Variants in UTP20 observed in about 807,000 individuals in gnomAD.
UTP20 encodes UTP20 small subunit processome component.
UTP20 carries 164 observed loss-of-function variants against 329.5 expected under a neutral mutation model. The observed-to-expected ratio is 0.50, with a 90% CI of 0.44 to 0.57. The LOEUF is 0.57. Ranked by LOEUF, UTP20 falls within the 20% of genes least tolerant of loss-of-function variation. The pLI is 0.00. For missense variants in UTP20, 3,055 were observed against 3,284.2 expected, an observed-to-expected ratio of 0.93 and a Z score of 1.71; for synonymous variants, 1,151 against 1,159.3, an observed-to-expected ratio of 0.99 and a Z score of 0.14.
intron 14 of UTP20, among the ~76,000 whole-genome samples, chr12:101,300,859 A>C (rs569737255): frequency 2.6e-5 from 4 of 152,296 alleles, no homozygotes; most frequent in Admixed American, 6.5e-5. Context: ...TGGCTACTGT[A>C]CTGGATTGTG....
At chr12:101,284,824 C>T (rs1197158190) in intron 2 of UTP20, among the ~76,000 whole-genome samples, 2 of 152,136 alleles carry the variant, frequency 1.3e-5, no homozygotes, top group Non-Finnish European at 2.9e-5. Context: ...TGTATTCTTC[C>T]ATACTGTCCT....
At chr12:101,324,760 T>C (rs1300294995) in intron 25 of UTP20, among the ~76,000 whole-genome samples, 1 of 152,240 alleles carries the variant, frequency 6.6e-6, no homozygotes, top group Non-Finnish European at 1.5e-5. Flanking sequence ...AACATTTACT[T>C]TGATTTTCCC....
At chr12:101,286,908 G>T (rs1390460934) in intron 5 of UTP20, among the ~76,000 whole-genome samples, 1 of 152,092 alleles carries the variant, frequency 6.6e-6, no homozygotes, top group Non-Finnish European at 1.5e-5. Context: ...TTTAAGACAG[G>T]TTAAGAGCCC....
intron 14 of UTP20, 80 bp downstream of exon 14, chr12:101,300,141 G>T: frequency 7.5e-7 from 1 of 1,331,054 alleles, no homozygotes. Context: ...AGCTATTAGA[G>T]AATAATACTT....
In UTP20 at chr12:101,366,580, G is replaced by A; in HGVS notation, c.6148G>A (p.Asp2050Asn). 6.2e-7 allele frequency: 1 copy of A among 1,613,968 alleles called. No individual in the cohort carries two copies. The highest frequency in any genetic ancestry group is 8.5e-7 in the Non-Finnish European group (1 of 1,179,978). ...CAGAAATCCAGTAGCCCCAGCACCA[G>A]ATCCACGTCTACCACCCCAGAGCTG... The part of the protein sequence containing the change: ...KEKNPVAPAP[D>N]PRLPPQSCLL... Residue 2050 changes from aspartate (D) to asparagine (N), a missense_variant, in exon 47 of 62, where the codon GAT becomes AAT. Physicochemically the swap from Asp to Asn is conservative, Grantham distance 23. Transcript: ENST00000261637.
rs183792886 is a variant in UTP20, at chr12:101,346,444, C to G, written c.4747-7C>G. ...GGTAACTAATTCATATTTTATCTTA[C>G]CCATAGATCCACAGAAGAGCAAGAG... On this transcript the variant is annotated splice_region_variant and splice_polypyrimidine_tract_variant and intron_variant, in intron 37 of 61. Coordinates refer to ENST00000261637, the MANE Select transcript of UTP20 (RefSeq NM_014503.3). 1.3e-6 allele frequency: 2 copies of G among 1,584,070 alleles called. No homozygotes were observed. Among genetic ancestry groups the G allele is most frequent in the South Asian group, 2.4e-5 (2 of 84,958 alleles).
chr12:101,383,119 A>G lies in UTP20; in HGVS notation c.7735A>G (p.Lys2579Glu). 1 of 1,614,018 alleles carries G rather than the reference A, an allele frequency of 6.2e-7. No homozygotes were observed. Residue 2579 changes from lysine (K) to glutamate (E), a missense_variant, in exon 59 of 62, where the codon AAA becomes GAA. By Grantham distance (56) the Lys-to-Glu change is moderately conservative. Transcript: ENST00000261637. Reference protein sequence around the residue: ...LYCEDKQSKIKEDLEEQEALE... With the variant: ...LYCEDKQSKIEEDLEEQEALE... ...TTGTGAGGATAAGCAAAGTAAGATA[A>G]AAGAAGACCTGGAAGAACAAGAAGC...
At chr12:101,298,277 T>C (rs1872422662) in intron 12 of UTP20, among the ~76,000 whole-genome samples, 1 of 151,990 alleles carries the variant, frequency 6.6e-6, no homozygotes. Context: ...CAGATCCTGA[T>C]CGTGATAAAA....
intron 58 of UTP20, among the ~76,000 whole-genome samples, chr12:101,381,493 G>A (rs1565810269): frequency 6.6e-6 from 1 of 151,920 alleles, no homozygotes; most frequent in Non-Finnish European, 1.5e-5. Flanking sequence ...CCGAAATCAC[G>A]CCACTGCACT....
chr12:101,369,717 TC>T lies in UTP20; in HGVS notation c.6385-3del. On this transcript the variant is annotated splice_polypyrimidine_tract_variant and splice_region_variant and intron_variant, in intron 48 of 61. Coordinates refer to ENST00000261637, the MANE Select transcript of UTP20 (RefSeq NM_014503.3). ...TTGGTGGTGTTTTGTTTTGTTTTTT[TC>T]AGGTGATCACAGGTGCTTTACAGTG... is the stretch of plus-strand genomic sequence containing the variant. The T allele has an allele frequency of 1.3e-6, 2 of 1,508,794 alleles. No homozygotes were observed. Among genetic ancestry groups the T allele is most frequent in the Non-Finnish European group, 1.8e-6 (2 of 1,085,614 alleles). 93.5% of individuals were successfully genotyped at this position (1,508,794 alleles called of 1,614,324 possible). A position where few individuals can be genotyped will look rare whatever the true frequency, so the allele number is the denominator to read the frequency against.
chr12:101,295,396 T>A, intron 11 of UTP20, 84 bp from the exon 12 acceptor site: 1 of 1,263,692 alleles, frequency 7.9e-7, no homozygotes, highest in Admixed American at 2.8e-5. Context: ...TGATCCTTTG[T>A]TTTTGGTCTA....
intron 2 of UTP20, among the ~76,000 whole-genome samples, chr12:101,282,810 A>G (rs73376749): frequency 0.024 from 3,616 of 152,244 alleles, 153 homozygotes; most frequent in African/African-American, 0.08. Flanking sequence ...ACTGTTATCT[A>G]AGTAAGAAAT....
At chr12:101,299,370 A>G (rs182830479) in intron 12 of UTP20, among the ~76,000 whole-genome samples, 1 of 152,350 alleles carries the variant, frequency 6.6e-6, no homozygotes, top group South Asian at 2.1e-4. Flanking sequence ...AAGTCAGTTC[A>G]TTCCAGTGAA....
chr12:101,374,206 G>A (rs1870398595), intron 54 of UTP20, among the ~76,000 whole-genome samples: 1 of 150,562 alleles, frequency 6.6e-6, no homozygotes. Context: ...CTGCACTCCA[G>A]CCTGGGCGAC....
At position 101,346,565 on chromosome 12, in the gene UTP20, A is replaced by G. The variant is rs1222335366; in HGVS notation, c.4861A>G (p.Ile1621Val). 27 of 1,599,890 alleles carry G rather than the reference A, an allele frequency of 1.7e-5. No individual in the cohort carries two copies. The highest frequency in any genetic ancestry group is 2.0e-5 in the Non-Finnish European group (23 of 1,174,890). Residue 1621 changes from isoleucine (I) to valine (V), a missense_variant, in exon 38 of 62, where the codon ATT (isoleucine) becomes GTT (valine). By Grantham distance (29) the Ile-to-Val change is conservative. Around this residue, in one of 3 missense-constraint regions of UTP20, gnomAD observed 2,445 missense variants for 2,575.5 expected, o/e 0.95. Transcript: ENST00000261637. ...NYIMPYAMTP[I>V]FDEKMLKHEN... ...CATCATGCCTTATGCCATGACTCCAATTTTTGATGAGAAAATGCTCAAGGT... is the reference window on the plus strand; with the variant it reads ...CATCATGCCTTATGCCATGACTCCAGTTTTTGATGAGAAAATGCTCAAGGT...
chr12:101,301,318 A>C (rs1270844491), intron 14 of UTP20, among the ~76,000 whole-genome samples: 1 of 150,142 alleles, frequency 6.7e-6, no homozygotes, highest in Non-Finnish European at 1.5e-5. Context: ...CCAGGAGTTC[A>C]AGACCAGCTT....
At chr12:101,293,285 ATCTGTCAGG>A (rs1420894256) in intron 11 of UTP20, 40 bp downstream of exon 11, 1 of 1,577,044 alleles carries the variant, frequency 6.3e-7, no homozygotes, top group Admixed American at 1.7e-5. Flanking sequence ...TTAAAAACAA[ATCTGTCAGG>A]AAAAAACGAT....
At chr12:101,363,430 AAAAG>A in intron 44 of UTP20, 142 bp from the exon 45 acceptor site, 1 of 655,706 alleles carries the variant, frequency 1.5e-6, no homozygotes, top group Non-Finnish European at 2.4e-6. Flanking sequence ...AGTGCATTCT[AAAAG>A]AAATTTCTTC....
intron 11 of UTP20, 33 bp downstream of exon 11, chr12:101,293,278 A>G (rs760896292): frequency 2.0e-5 from 32 of 1,590,808 alleles, no homozygotes; most frequent in Non-Finnish European, 2.5e-5. Context: ...AGTATTTTTA[A>G]AAACAAATCT....
Sources: gnomAD v4.1 joint callset for allele counts (sites outside exome capture counted in the v4.1 genomes callset) on GRCh38, gnomAD v4.1.1 for gene constraint, gnomAD v4.1.1 regional missense constraint, MANE v1.5 for transcripts, NCBI Gene and HGNC (gene_info 2026-07-23, HGNC 2026-07-21) for gene names.